Variants in CDC42SE2 observed in about 807,000 individuals in gnomAD.
CDC42SE2 encodes the protein CDC42 small effector protein 2.
A neutral mutation model predicts 11.5 loss-of-function variants in CDC42SE2; 3 were observed. The ratio of observed to expected loss-of-function variants is 0.26; its 90% CI spans 0.12 to 0.67. The LOEUF (loss-of-function observed/expected upper bound fraction) is 0.67, where lower values mean the gene tolerates loss of function less well. Ranked by LOEUF, CDC42SE2 falls within the 30% of genes least tolerant of loss-of-function variation. The pLI, the probability that CDC42SE2 is intolerant of heterozygous loss-of-function variation, is 0.80. For synonymous variants in CDC42SE2, 33 were observed against 34.8 expected (o/e 0.95, Z 0.18); for missense variants, 82 against 106.8 (o/e 0.77, Z 1.02).
At chr5:131,322,000 G>A (rs1017392890) in intron 2 of CDC42SE2, among the ~76,000 whole-genome samples, 4 of 152,184 alleles carry the variant, frequency 2.6e-5, no homozygotes, top group East Asian at 1.9e-4. Context: ...ACAGGCACCC[G>A]CCACCACGCC....
intron 3 of CDC42SE2, among the ~76,000 whole-genome samples, chr5:131,375,938 CTG>C (rs961324747): frequency 1.4e-4 from 22 of 152,094 alleles, no homozygotes; most frequent in Non-Finnish European, 3.2e-4. Context: ...GACCTGGACA[CTG>C]TTAAGACTCC....
intron 2 of CDC42SE2, among the ~76,000 whole-genome samples, chr5:131,321,700 G>C (rs1758191177): frequency 6.6e-6 from 1 of 152,072 alleles, no homozygotes; most frequent in South Asian, 2.1e-4. Context: ...ATAATGGTGG[G>C]AAACTTAATT....
rs548316417 is a variant in CDC42SE2, at chr5:131,323,070, C to G, written c.-286+6926C>G. The stretch of plus-strand genomic sequence containing the variant: ...TGAGACAGGCTTTCACTCTGTTGCC[C>G]AGGCTCGAGTATAATGGACAATCGT... On this transcript the variant is annotated intron_variant, in intron 2 of 4. Coordinates refer to ENST00000505065, the MANE Select transcript of CDC42SE2 (RefSeq NM_001375635.1). Among the ~76,000 whole-genome samples the G allele has an allele frequency of 3.7e-4, 57 of 152,136 alleles. 1 individual carries two copies. Among genetic ancestry groups the G allele is most frequent in the African/African-American group, 1.2e-3 (49 of 41,470 alleles).
the CDC42SE2 span, among the ~76,000 whole-genome samples, chr5:131,236,540 G>T: frequency 6.6e-6 from 1 of 152,040 alleles, no homozygotes; most frequent in Admixed American, 6.6e-5. Context: ...TGATTCTCAT[G>T]CCTCAGCCTC....
chr5:131,382,571 T>C (rs1338619400), intron 3 of CDC42SE2, among the ~76,000 whole-genome samples: 9 of 152,228 alleles, frequency 5.9e-5, no homozygotes, highest in Admixed American at 5.9e-4. Context: ...CCTAGTGGTC[T>C]GGAAGTAGGT....
At chr5:131,306,484 A>G (rs1425146935) in intron 1 of CDC42SE2, among the ~76,000 whole-genome samples, 1 of 152,014 alleles carries the variant, frequency 6.6e-6, no homozygotes, top group African/African-American at 2.4e-5. Flanking sequence ...TATGTTCTGT[A>G]TTGATTACTA....
intron 1 of CDC42SE2, among the ~76,000 whole-genome samples, chr5:131,269,721 G>T (rs968039705): frequency 6.7e-6 from 1 of 148,360 alleles, no homozygotes; most frequent in East Asian, 2.0e-4. Context: ...CCGAGATTGC[G>T]CCACTGCACT....
intron 3 of CDC42SE2, among the ~76,000 whole-genome samples, chr5:131,383,961 CAT>C (rs1327155696): frequency 3.3e-5 from 5 of 152,192 alleles, no homozygotes; most frequent in South Asian, 2.1e-4. Flanking sequence ...TAGACACACA[CAT>C]GTTCAAATGT....
chr5:131,329,570 A>G (rs1561586470), intron 2 of CDC42SE2, among the ~76,000 whole-genome samples: 2 of 152,052 alleles, frequency 1.3e-5, no homozygotes, highest in Non-Finnish European at 2.9e-5. Context: ...AGCTATATGA[A>G]AATAATCATA....
chr5:131,299,337 T>C (rs895582436), intron 1 of CDC42SE2, among the ~76,000 whole-genome samples: 1 of 152,132 alleles, frequency 6.6e-6, no homozygotes, highest in African/African-American at 2.4e-5. Context: ...TATTATGGTA[T>C]TCGTTGAGAG....
intron 4 of CDC42SE2, among the ~76,000 whole-genome samples, chr5:131,387,961 G>A (rs1296958948): frequency 6.6e-6 from 1 of 152,180 alleles, no homozygotes; most frequent in Non-Finnish European, 1.5e-5. Flanking sequence ...CTGTCACAGA[G>A]CACTGTGTTC....
intron 3 of CDC42SE2, among the ~76,000 whole-genome samples, chr5:131,378,180 G>C (rs1750209837): frequency 6.6e-6 from 1 of 152,200 alleles, no homozygotes; most frequent in Admixed American, 6.5e-5. Flanking sequence ...CAAAGAATGA[G>C]TAGGGAGAGA....
intron 1 of CDC42SE2, among the ~76,000 whole-genome samples, chr5:131,290,497 T>G (rs1393992888): frequency 3.4e-5 from 5 of 149,200 alleles, no homozygotes; most frequent in Admixed American, 1.3e-4. Context: ...TTTTTTTTTT[T>G]TTTGAGACAG....
In CDC42SE2 at chr5:131,330,151, AGGAAGGCT is replaced by A. The variant is rs1310765738; in HGVS notation, c.-286+14016_-286+14023del. ...TATTTACACGTCCGGTGATTTGGCTAGGAAGGCTGGAAGGCTAAGCTCAGTTGGGCCTA... is the reference window on the plus strand; with the variant it reads ...TATTTACACGTCCGGTGATTTGGCTAGGAAGGCTAAGCTCAGTTGGGCCTA... On this transcript the variant is annotated intron_variant, in intron 2 of 4. Coordinates refer to ENST00000505065, the MANE Select transcript of CDC42SE2 (RefSeq NM_001375635.1). 6.6e-5 allele frequency among the ~76,000 whole-genome samples: 10 copies of A among 152,282 alleles called. No individual in the cohort carries two copies. The East Asian group carries it at 1.9e-3, about 29-fold the overall frequency.
At chr5:131,340,115 AT>A (rs1370448552) in intron 2 of CDC42SE2, among the ~76,000 whole-genome samples, 1 of 152,222 alleles carries the variant, frequency 6.6e-6, no homozygotes, top group East Asian at 1.9e-4. Flanking sequence ...CAAGAATTCT[AT>A]ACTTCGCTAA....
At chr5:131,378,352 C>T (rs190285369) in intron 3 of CDC42SE2, among the ~76,000 whole-genome samples, 11 of 152,096 alleles carry the variant, frequency 7.2e-5, no homozygotes, top group African/African-American at 2.6e-4. Context: ...TTTTTCCATA[C>T]TGTGAACTAG....
intron 2 of CDC42SE2, among the ~76,000 whole-genome samples, chr5:131,338,500 A>C (rs917382307): frequency 2.0e-5 from 3 of 152,244 alleles, no homozygotes; most frequent in African/African-American, 7.2e-5. Flanking sequence ...TTCATTAAAG[A>C]ATCTCTGCAA....
chr5:131,391,240 T>C lies in CDC42SE2; in HGVS notation c.*149T>C. ...AAAGGCAAAATTACTCAGCTAAGTG[T>C]AGTTTCTGCACTTGGAATGTAAGTT... On this transcript the variant is annotated 3_prime_UTR_variant, in exon 5 of 5. Transcript: ENST00000505065. 3.3e-6 allele frequency: 1 copy of C among 304,418 alleles called. No individual in the cohort carries two copies. The highest frequency in any genetic ancestry group is 6.0e-6 in the Non-Finnish European group (1 of 167,662). The allele number at this position is 304,418 out of a possible 1,614,324, so 18.9% of individuals were successfully genotyped here. A position where few individuals can be genotyped will look rare whatever the true frequency, so the allele number is the denominator to read the frequency against.
intron 1 of CDC42SE2, among the ~76,000 whole-genome samples, chr5:131,275,049 C>G (rs1757073278): frequency 6.6e-6 from 1 of 151,874 alleles, no homozygotes; most frequent in Non-Finnish European, 1.5e-5. Context: ...AAGTAAGTTT[C>G]AAATCAATTT....
Sources: gnomAD v4.1 joint callset for allele counts (sites outside exome capture counted in the v4.1 genomes callset) on GRCh38, gnomAD v4.1.1 for gene constraint, MANE v1.5 for transcripts, NCBI Gene and HGNC (gene_info 2026-07-23, HGNC 2026-07-21) for gene names.